The following DEAF1 variants were observed in gnomAD, a reference collection of about 807,000 sequenced individuals.
DEAF1 encodes the protein deformed epidermal autoregulatory factor 1 homolog.
A neutral mutation model predicts 58.9 loss-of-function variants in DEAF1; 53 were observed. The ratio of observed to expected loss-of-function variants is 0.90; its 90% CI spans 0.72 to 1.13. The LOEUF (loss-of-function observed/expected upper bound fraction) is 1.13. Ranked by LOEUF, DEAF1 falls within the 50% of genes most tolerant of loss-of-function variation. DEAF1 has a pLI of 0.00. For missense variants in DEAF1, 685 were observed against 791.4 expected, an observed-to-expected ratio of 0.87 and a Z score of 1.61; for synonymous variants, 385 against 340.4, an observed-to-expected ratio of 1.13 and a Z score of -1.44.
chr11:687,698 C>T (rs1860655389), intron 4 of DEAF1, among the ~76,000 whole-genome samples: 1 of 152,144 alleles, frequency 6.6e-6, no homozygotes, highest in African/African-American at 2.4e-5. Flanking sequence ...GGGTTTTCAT[C>T]GTGTTAGCCA....
At chr11:703,000 C>T (rs760283964) in intron 1 of DEAF1, 1 of 1,612,038 alleles carries the variant, frequency 6.2e-7, no homozygotes, top group Non-Finnish European at 8.5e-7. Flanking sequence ...GCCTGGCCCT[C>T]ACGGCTGGCA....
upstream of DEAF1, among the ~76,000 whole-genome samples, chr11:696,364 A>G (rs555421072): frequency 6.6e-6 from 1 of 152,204 alleles, no homozygotes; most frequent in East Asian, 1.9e-4. Context: ...TGAAGTGCCA[A>G]ACCTTCGTGC....
upstream of DEAF1, chr11:698,136 C>T (rs932641844): frequency 1.3e-5 from 2 of 152,966 alleles, no homozygotes; most frequent in African/African-American, 4.8e-5. Context: ...CATGGAGGGA[C>T]GTGCACATAT....
intron 10 of DEAF1, among the ~76,000 whole-genome samples, chr11:662,306 A>AT (rs1283850571): frequency 6.6e-5 from 10 of 152,204 alleles, no homozygotes; most frequent in Admixed American, 2.0e-4. Flanking sequence ...AAATTATGAG[A>AT]TTTTTAATGT....
Position 694,551 on chromosome 11 carries a change from G to A in DEAF1, c.289+208C>T, listed in dbSNP as rs907859572. On this transcript the variant is annotated intron_variant, in intron 1 of 11. Transcript: ENST00000382409. ...GTGAGGGGTGAGCTAGTCACGTGGG[G>A]CAGGTGTGCAGGGCGGGTGGGGCGG... 9.6e-5 allele frequency: 38 copies of A among 395,296 alleles called. No homozygotes were observed. In the Middle Eastern group the frequency reaches 2.0e-3, roughly 21 times the overall value. The allele number at this position is 395,296 out of a possible 1,614,324, so 24.5% of individuals were successfully genotyped here.
chr11:679,850 G>A, intron 7 of DEAF1, 34 bp from the exon 8 acceptor site: 1 of 1,610,164 alleles, frequency 6.2e-7, no homozygotes. Flanking sequence ...ACGCGGCCAG[G>A]CAGTGGCGCC....
chr11:646,493 AG>A (rs1324958105), intron 11 of DEAF1: 1 of 152,158 alleles, frequency 6.6e-6, no homozygotes, highest in Non-Finnish European at 1.5e-5. Context: ...GCGGCGGACA[AG>A]GCCCCCAGGA....
At chr11:650,689 A>C (rs548734437) in intron 11 of DEAF1, among the ~76,000 whole-genome samples, 1 of 150,836 alleles carries the variant, frequency 6.6e-6, no homozygotes, top group Non-Finnish European at 1.5e-5. Context: ...GCAGTGACTC[A>C]TGCCTGTCAT....
intron 10 of DEAF1, among the ~76,000 whole-genome samples, chr11:660,774 C>T (rs745476529): frequency 6.6e-6 from 1 of 152,242 alleles, no homozygotes; most frequent in Non-Finnish European, 1.5e-5. Flanking sequence ...TAGGCTGACA[C>T]TGGAGAACAA....
intron 1 of DEAF1, chr11:705,190 CG>C: frequency 6.1e-6 from 1 of 164,984 alleles, no homozygotes; most frequent in Non-Finnish European, 1.3e-5. Flanking sequence ...GACCATAGCC[CG>C]GGGACCCAGA....
chr11:705,343 T>C (rs757076460), intron 1 of DEAF1: 52 of 157,136 alleles, frequency 3.3e-4, no homozygotes, highest in Non-Finnish European at 5.9e-4. Context: ...ACCCGCTGTG[T>C]CCACTGCACC....
intron 10 of DEAF1, among the ~76,000 whole-genome samples, chr11:658,430 A>G (rs7937061): frequency 0.16 from 23,815 of 151,792 alleles, 2,228 homozygotes; most frequent in African/African-American, 0.26. Context: ...CTCTGTCTCA[A>G]AAACAAAAAC....
chr11:674,149 C>T (rs981365260), intron 10 of DEAF1: 22 of 313,334 alleles, frequency 7.0e-5, no homozygotes, highest in Non-Finnish European at 1.1e-4. Context: ...TCAGCATTCG[C>T]CCTGCCAGTC....
intron 1 of DEAF1, chr11:706,249 G>A (rs1023025933): frequency 3.9e-5 from 6 of 152,054 alleles, no homozygotes; most frequent in Admixed American, 1.3e-4. Flanking sequence ...GCACCGGCGA[G>A]CGCCGAGGGG....
At chr11:703,576 C>G (rs1213251771) in intron 1 of DEAF1, 29 of 1,233,234 alleles carry the variant, frequency 2.4e-5, no homozygotes, top group African/African-American at 3.1e-5. Context: ...AATTTGTGTT[C>G]TGAGATCCCA....
chr11:663,487 T>A (rs1351901784), intron 10 of DEAF1, among the ~76,000 whole-genome samples: 6 of 152,190 alleles, frequency 3.9e-5, no homozygotes. Flanking sequence ...ACCAGGCTTT[T>A]GGCCTTTCCT....
At chr11:690,541 G>C (rs888404669) in intron 2 of DEAF1, among the ~76,000 whole-genome samples, 1 of 152,030 alleles carries the variant, frequency 6.6e-6, no homozygotes, top group Non-Finnish European at 1.5e-5. Context: ...CTGAGGTCAG[G>C]AGTTTGAGGC....
At chr11:655,455 GCTCT>G (rs1362118431) in intron 10 of DEAF1, among the ~76,000 whole-genome samples, 5 of 152,274 alleles carry the variant, frequency 3.3e-5, no homozygotes, top group South Asian at 2.1e-4. Context: ...CGCCGTCAAT[GCTCT>G]CTGAGACGGA....
At chr11:680,198 G>A (rs1860289790) in intron 7 of DEAF1, 8 of 314,804 alleles carry the variant, frequency 2.5e-5, no homozygotes, top group South Asian at 2.2e-4. Context: ...CCCACAGCAA[G>A]GCTGCCCTGT....
Sources: gnomAD v4.1 joint callset for allele counts (sites outside exome capture counted in the v4.1 genomes callset) on GRCh38, gnomAD v4.1.1 for gene constraint, MANE v1.5 for transcripts, NCBI Gene and HGNC (gene_info 2026-07-23, HGNC 2026-07-21) for gene names.